PSD3: variants seen among roughly 807,000 people sequenced by gnomAD.
The protein encoded by PSD3 is PH and SEC7 domain-containing protein 3.
In PSD3, 49 loss-of-function variants were observed where a neutral mutation model predicts 105.5. The observed-to-expected ratio is 0.46, with a 90% CI of 0.37 to 0.59. The LOEUF is 0.59. Among genes scored for constraint, PSD3 ranks in the 20% least tolerant of loss-of-function variants. The pLI is 0.00. For synonymous variants in PSD3, 557 were observed against 457.8 expected (o/e 1.22, Z -2.77); for missense variants, 1,561 against 1,263.8 (o/e 1.24, Z -3.57).
intron 12 of PSD3, among the ~76,000 whole-genome samples, chr8:18,599,873 A>G (rs1482631518): frequency 6.6e-6 from 1 of 152,162 alleles, no homozygotes; most frequent in Non-Finnish European, 1.5e-5. Flanking sequence ...TCTCCTATAC[A>G]TACATACCTA....
At chr8:18,833,883 T>C (rs1288420534) in intron 4 of PSD3, among the ~76,000 whole-genome samples, 1 of 152,028 alleles carries the variant, frequency 6.6e-6, no homozygotes, top group Non-Finnish European at 1.5e-5. Flanking sequence ...TTACAACTAG[T>C]AAGATAGTCA....
intron 9 of PSD3, among the ~76,000 whole-genome samples, chr8:18,713,313 G>T (rs112468760): frequency 1.3e-5 from 2 of 152,126 alleles, no homozygotes; most frequent in East Asian, 1.9e-4. Context: ...AGAAATAAAG[G>T]GTATTCAAAT....
At chr8:18,932,086 G>A (rs62495886) in intron 2 of PSD3, among the ~76,000 whole-genome samples, 4,143 of 152,234 alleles carry the variant, frequency 0.027, 79 homozygotes, top group Non-Finnish European at 0.041. Context: ...ATACATAAGC[G>A]GTTTCCTAAC....
At position 18,804,805 on chromosome 8, in the gene PSD3, A is replaced by G. The variant is rs866789345; in HGVS notation, c.1728T>C (p.Asn576=). The change falls in exon 5 of 16, where the codon AAT becomes AAC. Residue 576 remains asparagine (N), a synonymous_variant. Coordinates refer to ENST00000327040, the MANE Select transcript of PSD3 (RefSeq NM_015310.4). ...LEKETPENLS[N]GTSSNVEAAK... Reference sequence around the variant, plus strand: ...CTGCTTCCACATTGCTGCTGGTACCATTACTGAGATTTTCTGGGGTCTCCT... The same window carrying G: ...CTGCTTCCACATTGCTGCTGGTACCGTTACTGAGATTTTCTGGGGTCTCCT... The G allele has an allele frequency of 3.7e-6, 6 of 1,613,986 alleles. No homozygotes were observed. Among genetic ancestry groups the G allele is most frequent in the South Asian group, 1.1e-5 (1 of 91,086 alleles).
At chr8:18,543,495 G>A (rs1304783224) in intron 15 of PSD3, among the ~76,000 whole-genome samples, 1 of 152,046 alleles carries the variant, frequency 6.6e-6, no homozygotes, top group Non-Finnish European at 1.5e-5. Flanking sequence ...GCAGGCGCCT[G>A]TAGTCCCAGC....
In PSD3 at chr8:18,844,084, T is replaced by C. The variant is rs564343033; in HGVS notation, c.1634+23590A>G. Among the ~76,000 whole-genome samples, 19 of 152,238 alleles carry C rather than the reference T, an allele frequency of 1.2e-4. 1 individual carries two copies. The South Asian group carries it at 1.7e-3, about 13-fold the overall frequency. ...GACAGATGTCCAGCAGCTGGCTCTA[T>C]GGGGTTCCAAATTTTAACATAATTA... On this transcript the variant is annotated intron_variant, in intron 4 of 15. Coordinates refer to ENST00000327040, the MANE Select transcript of PSD3 (RefSeq NM_015310.4).
intron 9 of PSD3, among the ~76,000 whole-genome samples, chr8:18,683,192 A>G (rs2130958788): frequency 6.6e-6 from 1 of 152,346 alleles, no homozygotes; most frequent in East Asian, 1.9e-4. Flanking sequence ...TCATGGCAGC[A>G]TAGCATCAGC....
chr8:19,065,950 G>T (rs1455253631), intron 1 of PSD3, among the ~76,000 whole-genome samples: 1 of 152,070 alleles, frequency 6.6e-6, no homozygotes, highest in Non-Finnish European at 1.5e-5. Context: ...CAACTTGTTA[G>T]CATACAAAAA....
At chr8:18,799,021 C>A (rs570542678) in intron 8 of PSD3, 3 of 333,488 alleles carry the variant, frequency 9.0e-6, no homozygotes, top group African/African-American at 2.2e-5. Context: ...AGTAAAAGCT[C>A]TGTCTGCCAT....
At chr8:18,879,585 T>C (rs759043283) in intron 2 of PSD3, among the ~76,000 whole-genome samples, 8 of 151,754 alleles carry the variant, frequency 5.3e-5, no homozygotes, top group Non-Finnish European at 8.8e-5. Context: ...TCATCATTCA[T>C]CATTGCTTTT....
At chr8:18,647,774 C>T (rs959168198) in intron 10 of PSD3, among the ~76,000 whole-genome samples, 10 of 151,662 alleles carry the variant, frequency 6.6e-5, no homozygotes, top group African/African-American at 1.9e-4. Context: ...AGAGGTGACT[C>T]GATCATAATG....
intron 11 of PSD3, among the ~76,000 whole-genome samples, chr8:18,622,016 C>T (rs1347761529): frequency 6.6e-6 from 1 of 152,144 alleles, no homozygotes; most frequent in Admixed American, 6.6e-5. Flanking sequence ...TGATGACAGG[C>T]AGGTGTGTAA....
chr8:18,928,931 C>T (rs753175574), intron 2 of PSD3, among the ~76,000 whole-genome samples: 2 of 152,046 alleles, frequency 1.3e-5, no homozygotes, highest in Non-Finnish European at 2.9e-5. Context: ...GTCCTCCCAC[C>T]TCCAGCCTCC....
At chr8:19,002,901 G>T (rs1351463649) in intron 1 of PSD3, among the ~76,000 whole-genome samples, 1 of 151,972 alleles carries the variant, frequency 6.6e-6, no homozygotes, top group African/African-American at 2.4e-5. Flanking sequence ...GTACAAGAAA[G>T]TCCAGTTTTG....
chr8:18,654,554 T>C (rs183209181), intron 10 of PSD3, among the ~76,000 whole-genome samples: 7 of 152,330 alleles, frequency 4.6e-5, no homozygotes, highest in South Asian at 2.1e-4. Context: ...TGAACTGCTA[T>C]ATTGATTAGG....
At chr8:19,004,121 A>G (rs1826543117) in intron 1 of PSD3, among the ~76,000 whole-genome samples, 1 of 152,064 alleles carries the variant, frequency 6.6e-6, no homozygotes, top group Non-Finnish European at 1.5e-5. Context: ...AAAAAGATCA[A>G]GAAGGGTCTT....
At chr8:19,056,678 C>G (rs961168359) in intron 1 of PSD3, among the ~76,000 whole-genome samples, 5 of 152,154 alleles carry the variant, frequency 3.3e-5, no homozygotes, top group African/African-American at 1.2e-4. Flanking sequence ...CGCTGGTTTT[C>G]TAGGTTCCAC....
chr8:18,683,988 G>C (rs562871088), intron 9 of PSD3: 1 of 724,144 alleles, frequency 1.4e-6, no homozygotes, highest in African/African-American at 1.7e-5. Flanking sequence ...CTTTCCAACC[G>C]TTCCAAGGCT....
intron 8 of PSD3, among the ~76,000 whole-genome samples, chr8:18,795,366 A>C (rs1810081742): frequency 6.6e-6 from 1 of 152,246 alleles, no homozygotes; most frequent in Admixed American, 6.5e-5. Context: ...AGGCTCTTAT[A>C]CCAATTGTAC....
Sources: gnomAD v4.1 joint callset for allele counts (sites outside exome capture counted in the v4.1 genomes callset) on GRCh38, gnomAD v4.1.1 for gene constraint, MANE v1.5 for transcripts, NCBI Gene and HGNC (gene_info 2026-07-23, HGNC 2026-07-21) for gene names.